LINGO2: variants seen among roughly 807,000 people sequenced by gnomAD.
The protein encoded by LINGO2 is leucine-rich repeat and immunoglobulin-like domain-containing nogo receptor-interacting protein 2.
Under a neutral mutation model 30.6 loss-of-function variants are expected in LINGO2, and 14 were observed. That is an observed-to-expected ratio of 0.46 (90% CI 0.30 to 0.72). LINGO2 has a LOEUF of 0.72. LINGO2 is among the 30% of genes least tolerant of loss of function. LINGO2 has a pLI of 0.07. For missense variants in LINGO2, 729 were observed against 751.7 expected (o/e 0.97, Z 0.35); for synonymous variants, 317 against 288.5 (o/e 1.10, Z -1.00).
At chr9:28,858,017 A>G in the LINGO2 span, among the ~76,000 whole-genome samples, 1 of 151,914 alleles carries the variant, frequency 6.6e-6, no homozygotes, top group South Asian at 2.1e-4. Context: ...GATTCTTAGC[A>G]TTGGATAAAC....
At chr9:28,848,416 T>TAC in the LINGO2 span, among the ~76,000 whole-genome samples, 4,661 of 130,394 alleles carry the variant, frequency 0.036, 351 homozygotes, top group African/African-American at 0.13. Context: ...TATATATATA[T>TAC]ATATATATAT....
At chr9:28,780,830 ATGTGTGTGTG>A in the LINGO2 span, among the ~76,000 whole-genome samples, 1,774 of 127,496 alleles carry the variant, frequency 0.014, 25 homozygotes, top group Non-Finnish European at 0.021. Flanking sequence ...CTTGGTAGTA[ATGTGTGTGTG>A]TGTGTGTGTG....
intron 2 of LINGO2, among the ~76,000 whole-genome samples, chr9:28,435,078 G>T (rs1312959956): frequency 1.3e-5 from 2 of 151,904 alleles, no homozygotes; most frequent in African/African-American, 4.8e-5. Flanking sequence ...AACAAACTTT[G>T]TCACTGGTAA....
chr9:28,855,938 T>C, the LINGO2 span, among the ~76,000 whole-genome samples: 1 of 152,044 alleles, frequency 6.6e-6, no homozygotes, highest in Admixed American at 6.6e-5. Context: ...AGTAGAGATG[T>C]AGGCGGACAC....
In LINGO2 at chr9:28,330,881, G is replaced by A. The variant is rs77099287; in HGVS notation, c.-245-35515C>T. ...TAGGTAGGTTTTAATATGAAATTTCGTAATTCATTCTGCCTCATTCAAAAA... is the reference window on the plus strand; with the variant it reads ...TAGGTAGGTTTTAATATGAAATTTCATAATTCATTCTGCCTCATTCAAAAA... On this transcript the variant is annotated intron_variant, in intron 3 of 5. Coordinates refer to ENST00000379992, the Ensembl canonical transcript of LINGO2. Among the ~76,000 whole-genome samples, 752 of 152,216 alleles carry A rather than the reference G, an allele frequency of 4.9e-3. 10 individuals carry two copies. Among genetic ancestry groups the A allele is most frequent in the African/African-American group, 0.016 (685 of 41,526 alleles).
chr9:28,231,640 C>G (rs941697414), intron 4 of LINGO2, among the ~76,000 whole-genome samples: 3 of 152,052 alleles, frequency 2.0e-5, no homozygotes, highest in Non-Finnish European at 4.4e-5. Context: ...TTTCAAAGGA[C>G]ATACTCCCAC....
the LINGO2 span, among the ~76,000 whole-genome samples, chr9:29,079,926 C>A: frequency 0.2 from 29,981 of 151,960 alleles, 3,089 homozygotes; most frequent in African/African-American, 0.24. Flanking sequence ...AAACAACTTA[C>A]AAACATTAAC....
At chr9:28,878,258 G>A in the LINGO2 span, among the ~76,000 whole-genome samples, 16 of 152,150 alleles carry the variant, frequency 1.1e-4, no homozygotes, top group East Asian at 1.9e-3. Context: ...TAAATTCCTC[G>A]ACACATACAC....
At chr9:28,142,900 A>G (rs1351031852) in intron 4 of LINGO2, among the ~76,000 whole-genome samples, 1 of 152,316 alleles carries the variant, frequency 6.6e-6, no homozygotes. Flanking sequence ...ATAACTTAAC[A>G]GTTGGTTTAG....
At chr9:28,883,633 T>C in the LINGO2 span, among the ~76,000 whole-genome samples, 2 of 89,114 alleles carry the variant, frequency 2.2e-5, no homozygotes, top group African/African-American at 8.4e-5. Context: ...TGTGTGTATA[T>C]ATATATATAT....
At chr9:28,954,887 G>T in the LINGO2 span, among the ~76,000 whole-genome samples, 2 of 152,110 alleles carry the variant, frequency 1.3e-5, no homozygotes, top group African/African-American at 4.8e-5. Flanking sequence ...TTTAGATTAA[G>T]ATTAAAATAA....
intron 1 of LINGO2, among the ~76,000 whole-genome samples, chr9:28,489,461 C>T (rs946112739): frequency 6.6e-6 from 1 of 152,116 alleles, no homozygotes; most frequent in Non-Finnish European, 1.5e-5. Flanking sequence ...TAAGTCACTG[C>T]GTCCAGCCCA....
chr9:27,986,923 C>T lies in LINGO2; in HGVS notation c.-36+25432G>A, dbSNP rs150887380. ...CATAAAAGAGGGCTGGCTCCCTGCACATCAGTTCCTCAACTCAGTCAGCAA... is the reference window on the plus strand; with the variant it reads ...CATAAAAGAGGGCTGGCTCCCTGCATATCAGTTCCTCAACTCAGTCAGCAA... On this transcript the variant is annotated intron_variant, in intron 5 of 5. Transcript: ENST00000379992. 3.0e-3 allele frequency among the ~76,000 whole-genome samples: 461 copies of T among 151,942 alleles called. 5 individuals are homozygous for T. The highest frequency in any genetic ancestry group is 0.011 in the African/African-American group (442 of 41,508).
chr9:28,540,302 C>G (rs1182407307), intron 1 of LINGO2, among the ~76,000 whole-genome samples: 1 of 151,636 alleles, frequency 6.6e-6, no homozygotes, highest in Non-Finnish European at 1.5e-5. Context: ...CTCTGTTACC[C>G]AGGCTGGAAT....
At chr9:28,953,877 T>C in the LINGO2 span, among the ~76,000 whole-genome samples, 561 of 152,276 alleles carry the variant, frequency 3.7e-3, 3 homozygotes, top group African/African-American at 0.013. Context: ...TCTCTTATTG[T>C]GAATGGATCC....
At chr9:28,537,020 T>C (rs899462752) in intron 1 of LINGO2, among the ~76,000 whole-genome samples, 10 of 151,270 alleles carry the variant, frequency 6.6e-5, no homozygotes. Flanking sequence ...TGTCCTTATT[T>C]AAAAAAAAAT....
chr9:28,252,078 TTATAGA>T (rs1822220933), intron 4 of LINGO2, among the ~76,000 whole-genome samples: 1 of 152,154 alleles, frequency 6.6e-6, no homozygotes. Flanking sequence ...GTTTAATATG[TTATAGA>T]TATTGATAAT....
At chr9:28,486,102 T>A (rs1445930015) in intron 1 of LINGO2, among the ~76,000 whole-genome samples, 2 of 152,090 alleles carry the variant, frequency 1.3e-5, no homozygotes, top group Non-Finnish European at 2.9e-5. Flanking sequence ...TGAAAAGACA[T>A]CAATTTAGTA....
intron 4 of LINGO2, among the ~76,000 whole-genome samples, chr9:28,064,678 C>T (rs1379163208): frequency 6.6e-6 from 1 of 152,072 alleles, no homozygotes; most frequent in Non-Finnish European, 1.5e-5. Context: ...AATTAATACC[C>T]AAGTGAAACA....
Sources: allele counts gnomAD v4.1 joint callset (sites outside exome capture counted in the v4.1 genomes callset), GRCh38; gene constraint gnomAD v4.1.1; transcripts MANE v1.5; gene names NCBI Gene and HGNC (gene_info 2026-07-23, HGNC 2026-07-21).